FAF1: variants seen among roughly 807,000 people sequenced by gnomAD.
The protein encoded by FAF1 is Fas associated factor 1.
FAF1 carries 25 observed loss-of-function variants against 92.5 expected under a neutral mutation model. The observed-to-expected ratio is 0.27, with a 90% CI of 0.20 to 0.38. FAF1 has a LOEUF of 0.38. Among genes scored for constraint, FAF1 ranks in the 10% least tolerant of loss-of-function variants. The pLI is 1.00. For missense variants in FAF1, 636 were observed against 793.3 expected, an observed-to-expected ratio of 0.80 and a Z score of 2.38; for synonymous variants, 234 against 273.2, an observed-to-expected ratio of 0.86 and a Z score of 1.42.
chr1:50,627,669 G>T (rs1250881331), intron 8 of FAF1, among the ~76,000 whole-genome samples: 1 of 152,050 alleles, frequency 6.6e-6, no homozygotes, highest in African/African-American at 2.4e-5. Context: ...CTAATCTATG[G>T]TCTTATCTTT....
At chr1:50,717,914 T>A (rs539300953) in intron 6 of FAF1, among the ~76,000 whole-genome samples, 2 of 152,260 alleles carry the variant, frequency 1.3e-5, no homozygotes, top group African/African-American at 4.8e-5. Flanking sequence ...CATAAAAAAA[T>A]GCCTGAATAA....
At chr1:50,731,012 T>C (rs1259745821) in intron 6 of FAF1, among the ~76,000 whole-genome samples, 1 of 152,200 alleles carries the variant, frequency 6.6e-6, no homozygotes, top group Non-Finnish European at 1.5e-5. Flanking sequence ...TCTGAAGAAC[T>C]AGGAACTGCC....
At chr1:50,664,919 C>T (rs1655557310) in intron 7 of FAF1, among the ~76,000 whole-genome samples, 1 of 152,172 alleles carries the variant, frequency 6.6e-6, no homozygotes. Flanking sequence ...TCACGAAGGG[C>T]AATATTTCCT....
intron 1 of FAF1, among the ~76,000 whole-genome samples, chr1:50,945,100 C>T (rs1645163622): frequency 6.6e-6 from 1 of 152,178 alleles, no homozygotes; most frequent in Admixed American, 6.5e-5. Flanking sequence ...TACCAGATGC[C>T]TATGAACGGC....
chr1:50,691,499 C>T (rs997479415), intron 7 of FAF1, among the ~76,000 whole-genome samples: 2 of 152,222 alleles, frequency 1.3e-5, no homozygotes, highest in Non-Finnish European at 2.9e-5. Flanking sequence ...GCCTTGGCCT[C>T]CCAAAGTACT....
Position 50,738,917 on chromosome 1 carries a change from CTG to C in FAF1, c.495_496del (p.Asn165LysfsTer16). 1 of 1,608,446 alleles carries C rather than the reference CTG, an allele frequency of 6.2e-7. No homozygotes were observed. Among genetic ancestry groups the C allele is most frequent in the Non-Finnish European group, 8.5e-7 (1 of 1,176,868 alleles). On this transcript the variant is annotated frameshift_variant, in exon 6 of 19. Coordinates refer to ENST00000396153, the MANE Select transcript of FAF1 (RefSeq NM_007051.3). LOFTEE classifies it high-confidence loss of function. Reference sequence around the variant, plus strand: ...CAAATCTGGTGTAAGGACATAAAGACTGTTGTTTTTTGGCAAGTGTAGAGATT... The same window carrying C: ...CAAATCTGGTGTAAGGACATAAAGACTTGTTTTTTGGCAAGTGTAGAGATT...
chr1:50,673,213 G>A (rs569851253), intron 7 of FAF1, among the ~76,000 whole-genome samples: 2 of 151,680 alleles, frequency 1.3e-5, no homozygotes, highest in East Asian at 3.9e-4. Flanking sequence ...AGCCAAGATC[G>A]TGCCACTGCA....
intron 8 of FAF1, among the ~76,000 whole-genome samples, chr1:50,631,224 G>A (rs1449131640): frequency 6.6e-6 from 1 of 151,954 alleles, no homozygotes; most frequent in Non-Finnish European, 1.5e-5. Context: ...CACAGTTTTA[G>A]TTACCTGCAA....
chr1:50,471,561 G>A (rs1406651982), intron 18 of FAF1, among the ~76,000 whole-genome samples: 1 of 152,112 alleles, frequency 6.6e-6, no homozygotes, highest in Non-Finnish European at 1.5e-5. Flanking sequence ...TCATTACTTT[G>A]TTTTAGATAT....
intron 2 of FAF1, among the ~76,000 whole-genome samples, chr1:50,806,829 A>G (rs1400924617): frequency 1.3e-5 from 2 of 152,188 alleles, no homozygotes; most frequent in Admixed American, 6.5e-5. Context: ...CTTATACTAC[A>G]ATTAAACCTC....
chr1:50,776,965 A>T (rs74080075), intron 4 of FAF1, among the ~76,000 whole-genome samples: 2,057 of 152,208 alleles, frequency 0.014, 40 homozygotes, highest in African/African-American at 0.043. Flanking sequence ...TTTAAAAAAA[A>T]ATATACAGAA....
chr1:50,563,469 T>G (rs1650027221), intron 13 of FAF1, among the ~76,000 whole-genome samples: 1 of 151,928 alleles, frequency 6.6e-6, no homozygotes, highest in South Asian at 2.1e-4. Flanking sequence ...TTCTCAAGAC[T>G]ACCAAGGGCT....
chr1:50,938,635 C>T (rs774607894), intron 1 of FAF1, among the ~76,000 whole-genome samples: 15 of 152,146 alleles, frequency 9.9e-5, no homozygotes, highest in Non-Finnish European at 1.9e-4. Context: ...GGGGACTTAA[C>T]CAAAAATTCT....
Position 50,738,872 on chromosome 1 carries a change from C to T in FAF1, c.542G>A (p.Ser181Asn), listed in dbSNP as rs376174453. 6.2e-7 allele frequency: 1 copy of T among 1,600,158 alleles called. No homozygotes were observed. The highest frequency in any genetic ancestry group is 8.6e-7 in the Non-Finnish European group (1 of 1,169,512). Residue 181 changes from serine (S) to asparagine (N), a missense_variant, in exon 6 of 19, where the codon AGT becomes AAT. Physicochemically the swap from Ser to Asn is conservative, Grantham distance 46. Coordinates refer to ENST00000396153, the MANE Select transcript of FAF1 (RefSeq NM_007051.3). ...TPDLPPPSSSSHAGALQESLN... is the reference protein window; with the variant it reads ...TPDLPPPSSSNHAGALQESLN... Reference sequence around the variant, plus strand: ...AATATAAACAACTTACCCAGCATGACTAGATGATGAAGGTGGTGGCAAATC... The same window carrying T: ...AATATAAACAACTTACCCAGCATGATTAGATGATGAAGGTGGTGGCAAATC...
chr1:50,591,185 GT>G (rs924367159), intron 9 of FAF1, among the ~76,000 whole-genome samples: 3 of 152,072 alleles, frequency 2.0e-5, no homozygotes, highest in Non-Finnish European at 4.4e-5. Flanking sequence ...ATGATGACGT[GT>G]TTTTTTCCTT....
intron 7 of FAF1, among the ~76,000 whole-genome samples, chr1:50,659,437 C>T (rs1655274287): frequency 1.3e-5 from 2 of 152,190 alleles, no homozygotes; most frequent in Admixed American, 6.5e-5. Context: ...AAAAAGAACA[C>T]ACGCACAGGC....
At chr1:50,448,170 G>A (rs1442195971) in intron 18 of FAF1, among the ~76,000 whole-genome samples, 1 of 152,128 alleles carries the variant, frequency 6.6e-6, no homozygotes, top group Non-Finnish European at 1.5e-5. Flanking sequence ...GCCATCAAGG[G>A]CCTGACACAT....
chr1:50,875,550 T>C (rs2124684049), intron 1 of FAF1, among the ~76,000 whole-genome samples: 1 of 152,220 alleles, frequency 6.6e-6, no homozygotes, highest in East Asian at 1.9e-4. Flanking sequence ...TCTCCCAGGT[T>C]CAAGCAATTC....
chr1:50,867,290 C>T (rs1234276779), intron 1 of FAF1, among the ~76,000 whole-genome samples: 2 of 152,072 alleles, frequency 1.3e-5, no homozygotes, highest in Non-Finnish European at 2.9e-5. Flanking sequence ...GACTTCATGA[C>T]CAAGAACACA....
Sources: allele counts gnomAD v4.1 joint callset (sites outside exome capture counted in the v4.1 genomes callset), GRCh38; gene constraint gnomAD v4.1.1; transcripts MANE v1.5; gene names NCBI Gene and HGNC (gene_info 2026-07-23, HGNC 2026-07-21).